Variants in RGS22 observed in about 807,000 individuals in gnomAD.
The protein encoded by RGS22 is regulator of G protein signaling 22, also known as regulator of G-protein signaling 22.
In RGS22, 148 loss-of-function variants were observed where a neutral mutation model predicts 172.9. The observed-to-expected ratio is 0.86, with a 90% CI of 0.75 to 0.98. RGS22 has a LOEUF of 0.98. RGS22 is among the 50% of genes least tolerant of loss of function. The probability of loss-of-function intolerance (pLI) is 0.00; values close to 1 mark genes in which losing one functional copy is unlikely to be tolerated. For synonymous variants in RGS22, 458 were observed against 480.2 expected, an observed-to-expected ratio of 0.95 and a Z score of 0.60; for missense variants, 1,347 against 1,440.8, an observed-to-expected ratio of 0.93 and a Z score of 1.05.
At chr8:100,019,053 A>G (rs1817322725) in intron 14 of RGS22, among the ~76,000 whole-genome samples, 1 of 152,148 alleles carries the variant, frequency 6.6e-6, no homozygotes, top group Non-Finnish European at 1.5e-5. Flanking sequence ...TCTTTGTATC[A>G]AAGGCTAAAT....
intron 19 of RGS22, 104 bp downstream of exon 19, chr8:99,999,158 T>TAAAAAA (rs754246728): frequency 1.1e-6 from 1 of 877,276 alleles, no homozygotes; most frequent in Non-Finnish European, 1.6e-6. Flanking sequence ...GCCCATTCCT[T>TAAAAAA]AAAAAAAAAA....
rs762230282 is a variant in RGS22, at chr8:100,080,298, C to T, written c.175G>A (p.Asp59Asn). The change falls in exon 4 of 28, where the codon GAT becomes AAT. Residue 59 changes from aspartate (D) to asparagine (N), a missense_variant. Physicochemically the swap from Asp to Asn is conservative, Grantham distance 23 (BLOSUM62 1). Transcript: ENST00000360863. ...ADYGVFEVAN[D>N]APQFLEKQLK... ...TGTTTTTCCAGAAATTGTGGAGCAT[C>T]ATTAGCTACTTCAAAAACTCCATAA... is the stretch of plus-strand genomic sequence containing the variant. 4 of 1,613,544 alleles carry T rather than the reference C, an allele frequency of 2.5e-6. No individual in the cohort carries two copies. The highest frequency in any genetic ancestry group is 1.3e-5 in the African/African-American group (1 of 74,866).
intron 21 of RGS22, among the ~76,000 whole-genome samples, chr8:99,986,341 T>G (rs898244121): frequency 9.2e-5 from 14 of 152,204 alleles, no homozygotes. Flanking sequence ...AGCTTGGAAA[T>G]AAATTTTATT....
chr8:100,013,667 C>T (rs991507080), intron 14 of RGS22, among the ~76,000 whole-genome samples: 1 of 152,074 alleles, frequency 6.6e-6, no homozygotes, highest in Non-Finnish European at 1.5e-5. Context: ...TTACCACTTA[C>T]CATATTAGTA....
At chr8:100,091,376 T>C (rs1812574940) in intron 3 of RGS22, among the ~76,000 whole-genome samples, 4 of 151,560 alleles carry the variant, frequency 2.6e-5, no homozygotes, top group South Asian at 2.1e-4. Flanking sequence ...AGGTGAGTGC[T>C]TGGGACACAC....
intron 14 of RGS22, among the ~76,000 whole-genome samples, chr8:100,024,550 A>G (rs912686037): frequency 6.6e-6 from 1 of 152,152 alleles, no homozygotes; most frequent in African/African-American, 2.4e-5. Flanking sequence ...GTCTTCATGG[A>G]CCTACAGTCT....
intron 2 of RGS22, among the ~76,000 whole-genome samples, chr8:100,100,320 C>T (rs1443291620): frequency 1.4e-5 from 2 of 140,598 alleles, no homozygotes; most frequent in East Asian, 2.1e-4. Context: ...GACGTAGTCT[C>T]ATTCTGTCAC....
At chr8:100,082,972 G>T (rs1036026679) in intron 3 of RGS22, among the ~76,000 whole-genome samples, 6 of 152,136 alleles carry the variant, frequency 3.9e-5, no homozygotes, top group African/African-American at 1.4e-4. Flanking sequence ...AAAGAAAAAA[G>T]ACTTGAAGTA....
chr8:100,032,323 T>C (rs1257120558), intron 14 of RGS22, among the ~76,000 whole-genome samples: 2 of 151,990 alleles, frequency 1.3e-5, no homozygotes, highest in Non-Finnish European at 2.9e-5. Context: ...TGGAGGAAGA[T>C]CTACCAAGCA....
Position 100,080,121 on chromosome 8 carries a change from T to C in RGS22, c.339+13A>G. 1 of 1,539,904 alleles carries C rather than the reference T, an allele frequency of 6.5e-7. No homozygotes were observed. The highest frequency in any genetic ancestry group is 8.9e-7 in the Non-Finnish European group (1 of 1,117,554). On this transcript the variant is annotated intron_variant, in intron 4 of 27. Transcript: ENST00000360863. ...TTATCTATCTAACAAGATAAAACAGTATACTTTCTTACCATAATATTGTAG... is the reference window on the plus strand; with the variant it reads ...TTATCTATCTAACAAGATAAAACAGCATACTTTCTTACCATAATATTGTAG...
intron 23 of RGS22, among the ~76,000 whole-genome samples, chr8:99,966,351 T>C (rs1368237626): frequency 6.6e-6 from 1 of 152,068 alleles, no homozygotes; most frequent in Non-Finnish European, 1.5e-5. Context: ...GTGATGAGTA[T>C]ACTTCAAAGC....
Position 100,105,576 on chromosome 8 carries a change from G to T in RGS22, c.26-174C>A. The stretch of plus-strand genomic sequence containing the variant: ...GCATTTTAAGTTGGAATTCAAGGTG[G>T]AAGTGGGAAGGAAAGGCCTCTGGAA... On this transcript the variant is annotated intron_variant, in intron 1 of 27. Coordinates refer to ENST00000360863, the MANE Select transcript of RGS22 (RefSeq NM_015668.5). 8 of 635,000 alleles carry T rather than the reference G, an allele frequency of 1.3e-5. No homozygotes were observed. The South Asian group carries it at 1.6e-4, about 13-fold the overall frequency. 39.3% of individuals were successfully genotyped at this position (635,000 alleles called of 1,614,324 possible). A position where few individuals can be genotyped will look rare whatever the true frequency, so the allele number is the denominator to read the frequency against.
intron 20 of RGS22, among the ~76,000 whole-genome samples, chr8:99,994,288 T>G (rs1284458303): frequency 6.6e-6 from 1 of 151,998 alleles, no homozygotes; most frequent in Non-Finnish European, 1.5e-5. Context: ...GAGAAAGAAA[T>G]AAAGGGTATT....
chr8:100,051,426 T>A (rs528383158), intron 10 of RGS22, among the ~76,000 whole-genome samples: 12 of 105,612 alleles, frequency 1.1e-4, no homozygotes, highest in Admixed American at 3.7e-4. Context: ...ATATATACAT[T>A]TATATATTTA....
intron 26 of RGS22, 69 bp from the exon 27 acceptor site, chr8:99,962,512 C>G: frequency 2.0e-6 from 3 of 1,525,866 alleles, no homozygotes; most frequent in Non-Finnish European, 2.7e-6. Context: ...GGAACAGAGA[C>G]AGAGAGAAGC....
intron 18 of RGS22, 109 bp from the exon 19 acceptor site, chr8:99,999,529 G>T: frequency 8.9e-7 from 1 of 1,121,934 alleles, no homozygotes; most frequent in Non-Finnish European, 1.3e-6. Context: ...CCTGAGGGGT[G>T]CCAATTTTCA....
At position 99,999,476 on chromosome 8, in the gene RGS22, T is replaced by A. The variant is rs981222612; in HGVS notation, c.2791-56A>T. On this transcript the variant is annotated intron_variant, in intron 18 of 27. Coordinates refer to ENST00000360863, the MANE Select transcript of RGS22 (RefSeq NM_015668.5). ...TTGTGCTTTCTAAAAGAAACACTAATAGTCATTAATTCATTCATTCACTAC... is the reference window on the plus strand; with the variant it reads ...TTGTGCTTTCTAAAAGAAACACTAAAAGTCATTAATTCATTCATTCACTAC... 2.6e-6 allele frequency: 4 copies of A among 1,568,476 alleles called. No homozygotes were observed. The African/African-American group carries it at 5.5e-5, about 21-fold the overall frequency.
Position 100,063,924 on chromosome 8 carries a change from G to C in RGS22, c.844C>G (p.Leu282Val), listed in dbSNP as rs779637070. Residue 282 changes from leucine to valine, a missense_variant, in exon 8 of 28, where the codon CTA (leucine) becomes GTA (valine). Physicochemically the swap from Leu to Val is conservative, Grantham distance 32. Transcript: ENST00000360863. The part of the protein sequence containing the change: ...EGEEEEVSVS[L>V]QDTPSQALLR... ...AGAGCTTGAGAAGGAGTGTCTTGTAGAGATACAGACACCTCTTCTTCTTCT... is the reference window on the plus strand; with the variant it reads ...AGAGCTTGAGAAGGAGTGTCTTGTACAGATACAGACACCTCTTCTTCTTCT... The C allele has an allele frequency of 5.0e-6, 8 of 1,602,902 alleles. No homozygotes were observed. The South Asian group carries it at 7.9e-5, about 16-fold the overall frequency.
chr8:100,038,051 A>G (rs1387727399), intron 14 of RGS22, among the ~76,000 whole-genome samples: 1 of 152,192 alleles, frequency 6.6e-6, no homozygotes, highest in African/African-American at 2.4e-5. Context: ...AAGATAATAA[A>G]TAAAATGATG....
Sources: allele counts gnomAD v4.1 joint callset (sites outside exome capture counted in the v4.1 genomes callset), GRCh38; gene constraint gnomAD v4.1.1; transcripts MANE v1.5; gene names NCBI Gene and HGNC (gene_info 2026-07-23, HGNC 2026-07-21).